Variants in KIF26B observed in about 807,000 individuals in gnomAD.
KIF26B encodes the protein kinesin-like protein KIF26B.
Under a neutral mutation model 151.2 loss-of-function variants are expected in KIF26B, and 63 were observed. The ratio of observed to expected loss-of-function variants is 0.42; its 90% CI spans 0.34 to 0.51. The LOEUF (loss-of-function observed/expected upper bound fraction) is 0.51, where lower values mean the gene tolerates loss of function less well. Among genes scored for constraint, KIF26B ranks in the 20% least tolerant of loss-of-function variants. The pLI, the probability that KIF26B is intolerant of heterozygous loss-of-function variation, is 0.07. For synonymous variants in KIF26B, 1,357 were observed against 1,262.1 expected (o/e 1.08, Z -1.59); for missense variants, 2,813 against 2,913.6 (o/e 0.97, Z 0.79).
intron 4 of KIF26B, among the ~76,000 whole-genome samples, chr1:245,532,741 G>GT (rs1661402133): frequency 6.6e-6 from 1 of 151,524 alleles, no homozygotes; most frequent in Non-Finnish European, 1.5e-5. Context: ...CTGCACTAAT[G>GT]AAATAGATAA....
chr1:245,500,636 T>G (rs890359813), intron 4 of KIF26B, among the ~76,000 whole-genome samples: 3 of 152,198 alleles, frequency 2.0e-5, no homozygotes, highest in African/African-American at 7.2e-5. Context: ...CCTTCCAAAC[T>G]CTCAGAAGAA....
At chr1:245,578,937 A>C (rs781337523) in intron 5 of KIF26B, among the ~76,000 whole-genome samples, 12 of 152,220 alleles carry the variant, frequency 7.9e-5, no homozygotes, top group Non-Finnish European at 1.2e-4. Context: ...GGTTGGAAAA[A>C]CAGGCTCTAA....
At chr1:245,465,850 GC>G (rs1039124423) in intron 4 of KIF26B, among the ~76,000 whole-genome samples, 10 of 152,254 alleles carry the variant, frequency 6.6e-5, no homozygotes, top group African/African-American at 2.2e-4. Flanking sequence ...TGGGACAGGA[GC>G]CAGGAGGACA....
chr1:245,667,739 A>G lies in KIF26B; in HGVS notation c.2259-16494A>G, dbSNP rs181297780. Among the ~76,000 whole-genome samples the G allele has an allele frequency of 2.0e-3, 307 of 152,316 alleles. 3 individuals are homozygous for G. The highest frequency in any genetic ancestry group is 0.01 in the Middle Eastern group (3 of 294). ...GGCAGGAGTGACATTTGGGCCATCC[A>G]GGCAACTCACCAAGTCCCTTCGCAG... On this transcript the variant is annotated intron_variant, in intron 10 of 14. Coordinates refer to ENST00000407071, the MANE Select transcript of KIF26B (RefSeq NM_018012.4). This position sits in a 1 kb window ranked among gnomAD's most constrained non-coding sequence, Gnocchi z 4.3.
intron 2 of KIF26B, among the ~76,000 whole-genome samples, chr1:245,255,523 C>T (rs1670516628): frequency 6.6e-6 from 1 of 152,184 alleles, no homozygotes; most frequent in South Asian, 2.1e-4. Flanking sequence ...CTCAAAAGCA[C>T]TTTGTACATC....
intron 4 of KIF26B, among the ~76,000 whole-genome samples, chr1:245,449,409 T>C (rs1403228226): frequency 6.6e-6 from 1 of 152,172 alleles, no homozygotes; most frequent in Admixed American, 6.5e-5. Flanking sequence ...TTTAGAGGGC[T>C]GGCCTGTGAA....
chr1:245,340,933 C>T (rs2102995702), intron 2 of KIF26B, among the ~76,000 whole-genome samples: 1 of 152,218 alleles, frequency 6.6e-6, no homozygotes, highest in South Asian at 2.1e-4. Context: ...GGCCTCAGTG[C>T]CCAAAGTGGG....
In KIF26B at chr1:245,636,425, T is replaced by C. The variant is rs370700125; in HGVS notation, c.2099-9696T>C. ...ATTTTTAAATTGTGTGTCATAGTTG[T>C]ACATATTTTTGGAGTACACATGATA... On this transcript the variant is annotated intron_variant, in intron 9 of 14. Transcript: ENST00000407071. Among the ~76,000 whole-genome samples, 22 of 152,132 alleles carry C rather than the reference T, an allele frequency of 1.4e-4. No individual in the cohort carries two copies. The South Asian group carries it at 3.9e-3, about 27-fold the overall frequency.
chr1:245,209,917 A>G (rs561447524), intron 2 of KIF26B, among the ~76,000 whole-genome samples: 14 of 152,344 alleles, frequency 9.2e-5, no homozygotes, highest in African/African-American at 3.4e-4. Context: ...ACTGGAAACT[A>G]CACCCGTAAG....
chr1:245,599,117 G>T (rs1245321025), intron 5 of KIF26B, among the ~76,000 whole-genome samples: 1 of 152,160 alleles, frequency 6.6e-6, no homozygotes, highest in East Asian at 1.9e-4. Context: ...ACAAAAGCAA[G>T]AACTCCTGGC....
intron 4 of KIF26B, among the ~76,000 whole-genome samples, chr1:245,428,661 A>G (rs2103040423): frequency 6.6e-6 from 1 of 152,294 alleles, no homozygotes; most frequent in Middle Eastern, 3.4e-3. Flanking sequence ...GCTAAAGAAA[A>G]TGACCAGCGT....
In KIF26B at chr1:245,687,687, G is replaced by T; in HGVS notation, c.4704G>T (p.Ser1568=). The T allele has an allele frequency of 1.3e-6, 2 of 1,580,964 alleles. No individual in the cohort carries two copies. The highest frequency in any genetic ancestry group is 2.3e-5 in the East Asian group (1 of 42,998). ...AGACCAACGGGGTGGGTGCAGCCTC[G>T]GGCACCCCGCCCTCCAAGGCTACCC... ...AAETNGVGAA[S]GTPPSKATLE... The change falls in exon 12 of 15, where the codon TCG becomes TCT. Residue 1568 remains serine, a synonymous_variant. Transcript: ENST00000407071. The surrounding 1 kb of genome is among the most constrained non-coding windows in gnomAD (Gnocchi z 4.9).
intron 2 of KIF26B, among the ~76,000 whole-genome samples, chr1:245,246,652 T>A (rs1030697298): frequency 1.3e-5 from 2 of 151,976 alleles, no homozygotes; most frequent in African/African-American, 4.8e-5. Context: ...ACACACCCAC[T>A]CCCATAGTCA....
chr1:245,281,832 G>A (rs1329894265), intron 2 of KIF26B, among the ~76,000 whole-genome samples: 1 of 151,822 alleles, frequency 6.6e-6, no homozygotes, highest in Non-Finnish European at 1.5e-5. Flanking sequence ...TGGCTAGCCA[G>A]TTTTCCCAGC....
chr1:245,377,076 G>A (rs141116342), intron 3 of KIF26B, among the ~76,000 whole-genome samples: 2 of 149,060 alleles, frequency 1.3e-5, no homozygotes, highest in Non-Finnish European at 3.0e-5. Flanking sequence ...CACCACGCCT[G>A]GCTAATTTTT....
chr1:245,366,599 A>AT (rs1157900148), intron 2 of KIF26B, among the ~76,000 whole-genome samples: 5 of 151,820 alleles, frequency 3.3e-5, no homozygotes, highest in African/African-American at 1.2e-4. Flanking sequence ...AGTCTTATTT[A>AT]TTTTTTTAAC....
At chr1:245,405,605 C>A (rs181570132) in intron 3 of KIF26B, among the ~76,000 whole-genome samples, 13 of 149,790 alleles carry the variant, frequency 8.7e-5, no homozygotes, top group South Asian at 4.2e-4. Flanking sequence ...TTTCAGAGTT[C>A]TGCTGTCCTA....
intron 4 of KIF26B, among the ~76,000 whole-genome samples, chr1:245,519,226 A>C (rs577148071): frequency 1.2e-4 from 18 of 152,314 alleles, no homozygotes; most frequent in Admixed American, 7.2e-4. Flanking sequence ...AAGAAGTTTG[A>C]GTATCCAACA....
chr1:245,168,030 A>G (rs1009130751), intron 2 of KIF26B, among the ~76,000 whole-genome samples: 1 of 152,206 alleles, frequency 6.6e-6, no homozygotes, highest in Non-Finnish European at 1.5e-5. Context: ...AAGCATTATG[A>G]TCTTGGGAGA....
Sources: allele counts gnomAD v4.1 joint callset (sites outside exome capture counted in the v4.1 genomes callset), GRCh38; gene constraint gnomAD v4.1.1; non-coding constraint Gnocchi (gnomAD v3.1); transcripts MANE v1.5; gene names NCBI Gene and HGNC (gene_info 2026-07-23, HGNC 2026-07-21).